CDH18: variants seen among roughly 807,000 people sequenced by gnomAD.
The protein encoded by CDH18 is cadherin 18.
In CDH18, 31 loss-of-function variants were observed where a neutral mutation model predicts 67.9. That is an observed-to-expected ratio of 0.46 (90% CI 0.34 to 0.62). The LOEUF is 0.62. Ranked by LOEUF, CDH18 falls within the 20% of genes least tolerant of loss-of-function variation. The pLI is 0.01. For missense variants in CDH18, 890 were observed against 975.5 expected, an observed-to-expected ratio of 0.91 and a Z score of 1.17; for synonymous variants, 362 against 347.2, an observed-to-expected ratio of 1.04 and a Z score of -0.48.
chr5:20,439,479 C>T (rs566432858), intron 1 of CDH18, among the ~76,000 whole-genome samples: 27 of 151,380 alleles, frequency 1.8e-4, no homozygotes, highest in South Asian at 4.1e-4. Flanking sequence ...ATGCACACAC[C>T]GTTTCATAAT....
intron 5 of CDH18, among the ~76,000 whole-genome samples, chr5:19,650,039 T>C (rs554191352): frequency 6.6e-6 from 1 of 152,154 alleles, no homozygotes; most frequent in Non-Finnish European, 1.5e-5. Flanking sequence ...CTTTTTGCAA[T>C]TGGAATTTTT....
chr5:20,416,012 A>G (rs1265301296), intron 1 of CDH18, among the ~76,000 whole-genome samples: 2 of 152,126 alleles, frequency 1.3e-5, no homozygotes, highest in Non-Finnish European at 2.9e-5. Flanking sequence ...TTACTATTCA[A>G]TGAGTATGAT....
intron 2 of CDH18, among the ~76,000 whole-genome samples, chr5:20,004,721 A>G (rs988332480): frequency 5.3e-5 from 8 of 152,370 alleles, no homozygotes; most frequent in African/African-American, 1.9e-4. Flanking sequence ...GAATGGCTGT[A>G]CTACAGAACA....
At chr5:20,293,310 C>A (rs1747245063) in intron 1 of CDH18, among the ~76,000 whole-genome samples, 1 of 151,770 alleles carries the variant, frequency 6.6e-6, no homozygotes, top group African/African-American at 2.4e-5. Context: ...GAGTAAGACT[C>A]CATCTCAAAA....
chr5:19,878,257 A>G (rs999505131), intron 2 of CDH18, among the ~76,000 whole-genome samples: 10 of 152,154 alleles, frequency 6.6e-5, no homozygotes, highest in Non-Finnish European at 1.0e-4. Flanking sequence ...TTGTGATTAG[A>G]TTGCTAACTT....
intron 2 of CDH18, among the ~76,000 whole-genome samples, chr5:20,030,925 T>C (rs755073988): frequency 4.6e-5 from 7 of 152,292 alleles, no homozygotes; most frequent in Non-Finnish European, 7.4e-5. Context: ...GGAATTGTGC[T>C]GCAGTGGGAA....
rs989316 is a variant in CDH18, at chr5:19,839,038, G to A, written c.-52C>T. On this transcript the variant is annotated 5_prime_UTR_variant, in exon 3 of 13. Coordinates refer to ENST00000382275, the MANE Select transcript of CDH18 (RefSeq NM_004934.5). ...TTTCCTTCCTTTCCTTGTCAGCTAC[G>A]AAAGCTTAGTGAGCATTCAAGAGAG... The A allele has an allele frequency of 7.3e-3, 10,570 of 1,452,996 alleles. 605 individuals are homozygous for A. In the African/African-American group the frequency reaches 0.13, roughly 18 times the overall value. The allele number at this position is 1,452,996 out of a possible 1,614,324, so 90.0% of individuals were successfully genotyped here.
intron 10 of CDH18, among the ~76,000 whole-genome samples, chr5:19,511,247 C>T (rs147394429): frequency 1.2e-3 from 181 of 152,242 alleles, no homozygotes; most frequent in Non-Finnish European, 2.0e-3. Flanking sequence ...CCTAGCCATG[C>T]TGAACTGTGA....
At chr5:20,113,690 T>A (rs1349983747) in intron 2 of CDH18, among the ~76,000 whole-genome samples, 1 of 152,208 alleles carries the variant, frequency 6.6e-6, no homozygotes, top group Non-Finnish European at 1.5e-5. Context: ...TGAATATTTG[T>A]TGGCAAGACA....
rs545573737 is a variant in CDH18, at chr5:20,478,570, C to G, written c.-580+96892G>C. ...GAAGGACTTTGTCTTACTTGAGTGC[C>G]AGCTCAGAAGCAACAGAATAGAGCA... On this transcript the variant is annotated intron_variant, in intron 1 of 14. Coordinates refer to the CDH18 transcript ENST00000507958. Among the ~76,000 whole-genome samples the G allele has an allele frequency of 1.4e-4, 22 of 152,216 alleles. No homozygotes were observed. The South Asian group carries it at 3.3e-3, about 23-fold the overall frequency.
rs559786873 is a variant in CDH18 at position 19,863,504 on chromosome 5, C to T, written c.-256-24262G>A. Among the ~76,000 whole-genome samples, 6 of 152,240 alleles carry T rather than the reference C, an allele frequency of 3.9e-5. 1 individual carries two copies. In the South Asian group the frequency reaches 1.2e-3, roughly 32 times the overall value. On this transcript the variant is annotated intron_variant, in intron 2 of 12. Transcript: ENST00000382275. ...TCTCATTAAGCCTCCTGTCAAATTCCCCATGGTGCTGACACAGGGGAGAGG... is the reference window on the plus strand; with the variant it reads ...TCTCATTAAGCCTCCTGTCAAATTCTCCATGGTGCTGACACAGGGGAGAGG...
intron 10 of CDH18, among the ~76,000 whole-genome samples, chr5:19,504,240 G>A (rs1187718721): frequency 1.3e-5 from 2 of 151,996 alleles, no homozygotes; most frequent in Non-Finnish European, 2.9e-5. Flanking sequence ...TCAGGATACA[G>A]AAGAGATCAA....
chr5:19,756,133 T>C (rs1159715842), intron 3 of CDH18, among the ~76,000 whole-genome samples: 2 of 152,162 alleles, frequency 1.3e-5, no homozygotes, highest in African/African-American at 4.8e-5. Flanking sequence ...AACTGTCCTC[T>C]GTACAACTGG....
intron 1 of CDH18, among the ~76,000 whole-genome samples, chr5:20,509,088 A>C (rs1754851801): frequency 6.6e-6 from 1 of 152,194 alleles, no homozygotes; most frequent in Non-Finnish European, 1.5e-5. Flanking sequence ...ATCATTAATT[A>C]GTGATAAAAG....
intron 9 of CDH18, among the ~76,000 whole-genome samples, chr5:19,539,125 C>T (rs1283987896): frequency 6.6e-6 from 1 of 152,144 alleles, no homozygotes; most frequent in Non-Finnish European, 1.5e-5. Context: ...CCCAACATGG[C>T]TATAAAATCT....
intron 2 of CDH18, among the ~76,000 whole-genome samples, chr5:19,861,357 GTAC>G (rs1453121924): frequency 6.6e-6 from 1 of 152,080 alleles, no homozygotes; most frequent in African/African-American, 2.4e-5. Context: ...CCCAAGTGGT[GTAC>G]CCAGGAGCCG....
intron 1 of CDH18, among the ~76,000 whole-genome samples, chr5:20,423,335 T>C (rs1748011022): frequency 6.6e-6 from 1 of 151,240 alleles, no homozygotes; most frequent in South Asian, 2.1e-4. Flanking sequence ...CATCAATTTC[T>C]TTTCCTTCCT....
At chr5:19,668,129 G>C (rs1161148330) in intron 5 of CDH18, among the ~76,000 whole-genome samples, 1 of 151,930 alleles carries the variant, frequency 6.6e-6, no homozygotes, top group Non-Finnish European at 1.5e-5. Context: ...TTTGAGATGG[G>C]ACAAATCTGA....
chr5:20,394,904 G>A (rs1261809154), intron 1 of CDH18, among the ~76,000 whole-genome samples: 1 of 151,854 alleles, frequency 6.6e-6, no homozygotes, highest in Non-Finnish European at 1.5e-5. Context: ...CCCCAGGCAG[G>A]ATGGCAAGTA....
Sources: gnomAD v4.1 joint callset for allele counts (sites outside exome capture counted in the v4.1 genomes callset) on GRCh38, gnomAD v4.1.1 for gene constraint, MANE v1.5 for transcripts, NCBI Gene and HGNC (gene_info 2026-07-23, HGNC 2026-07-21) for gene names.